Variants in GPHN observed in about 807,000 individuals in gnomAD.
The protein encoded by GPHN is gephyrin.
Under a neutral mutation model 95.5 loss-of-function variants are expected in GPHN, and 17 were observed. The observed-to-expected ratio is 0.18, with a 90% CI of 0.12 to 0.27. The LOEUF is 0.27. Ranked by LOEUF, GPHN falls within the 10% of genes least tolerant of loss-of-function variation. The pLI is 1.00. For synonymous variants in GPHN, 320 were observed against 322.5 expected, an observed-to-expected ratio of 0.99 and a Z score of 0.08; for missense variants, 660 against 978.1, an observed-to-expected ratio of 0.67 and a Z score of 4.34.
intron 1 of GPHN, among the ~76,000 whole-genome samples, chr14:66,582,061 A>T (rs889592691): frequency 1.2e-4 from 19 of 152,098 alleles, no homozygotes; most frequent in Non-Finnish European, 1.8e-4. Context: ...TCAGCCTTCT[A>T]TCCAACAGTA....
chr14:67,330,325 ACT>A, the GPHN span, among the ~76,000 whole-genome samples: 1 of 151,494 alleles, frequency 6.6e-6, no homozygotes, highest in Non-Finnish European at 1.5e-5. Flanking sequence ...TAATTTTTAA[ACT>A]CTTCTTTTCA....
chr14:67,255,644 T>G, the GPHN span, among the ~76,000 whole-genome samples: 1 of 152,194 alleles, frequency 6.6e-6, no homozygotes, highest in Non-Finnish European at 1.5e-5. Context: ...TTTCTTAATT[T>G]AAAGGTTCCA....
At chr14:67,221,779 G>C in the GPHN span, 1 of 1,613,244 alleles carries the variant, frequency 6.2e-7, no homozygotes, top group Non-Finnish European at 8.5e-7. Flanking sequence ...ATTTTTACAG[G>C]AGCTTGAGAA....
chr14:66,719,790 A>G (rs1421434216), intron 2 of GPHN, among the ~76,000 whole-genome samples: 3 of 152,348 alleles, frequency 2.0e-5, no homozygotes. Context: ...AACATCATAG[A>G]TAACCTGATA....
the GPHN span, among the ~76,000 whole-genome samples, chr14:67,621,992 G>C: frequency 1.3e-4 from 20 of 152,074 alleles, no homozygotes; most frequent in African/African-American, 4.6e-4. Flanking sequence ...AGCTACTCAG[G>C]AGCCTGAGAC....
chr14:67,630,705 A>G, the GPHN span, among the ~76,000 whole-genome samples: 3 of 152,198 alleles, frequency 2.0e-5, no homozygotes, highest in South Asian at 4.2e-4. Context: ...CAGCCTCCAT[A>G]GTAGCTGGGA....
At chr14:67,380,073 T>G in the GPHN span, among the ~76,000 whole-genome samples, 58 of 152,144 alleles carry the variant, frequency 3.8e-4, no homozygotes, top group African/African-American at 1.3e-3. Flanking sequence ...TATCATAACT[T>G]TTTTACAATA....
chr14:66,656,285 T>C (rs2065300616), intron 1 of GPHN, among the ~76,000 whole-genome samples: 1 of 135,250 alleles, frequency 7.4e-6, no homozygotes, highest in Non-Finnish European at 1.6e-5. Flanking sequence ...TGTAGGTCTA[T>C]TCAAATTACT....
rs191195144 is a variant in GPHN at position 67,008,828 on chromosome 14, T to C, written c.964-14805T>C. ...TCCCAAAGTGCTGGGATTACAGGTGTTAGCTACTGTACCCAGCCCTTTTTA... is the reference window on the plus strand; with the variant it reads ...TCCCAAAGTGCTGGGATTACAGGTGCTAGCTACTGTACCCAGCCCTTTTTA... On this transcript the variant is annotated intron_variant, in intron 9 of 22. Coordinates refer to ENST00000478722, the MANE Select transcript of GPHN (RefSeq NM_020806.5). 4.7e-4 allele frequency among the ~76,000 whole-genome samples: 72 copies of C among 152,314 alleles called. 1 individual carries two copies. In the Middle Eastern group the frequency reaches 0.02, roughly 43 times the overall value.
At chr14:67,581,120 C>A in the GPHN span, 1 of 862,676 alleles carries the variant, frequency 1.2e-6, no homozygotes. Flanking sequence ...ACTAGACAGC[C>A]TATCCAGACG....
the GPHN span, among the ~76,000 whole-genome samples, chr14:67,329,407 A>G: frequency 6.6e-6 from 1 of 152,190 alleles, no homozygotes; most frequent in Non-Finnish European, 1.5e-5. Context: ...TACATGTACA[A>G]TCATGTCATC....
At chr14:67,329,835 AAAAT>A in the GPHN span, among the ~76,000 whole-genome samples, 19,112 of 96,782 alleles carry the variant, frequency 0.2, 1,403 homozygotes, top group African/African-American at 0.28. Context: ...CTTGGTCTCA[AAAAT>A]AAATAAATAA....
At chr14:66,714,586 C>T (rs1387331643) in intron 2 of GPHN, among the ~76,000 whole-genome samples, 2 of 152,102 alleles carry the variant, frequency 1.3e-5, no homozygotes, top group African/African-American at 4.8e-5. Flanking sequence ...CAACTTTTCC[C>T]CATTCAGTGT....
chr14:66,903,557 G>C (rs1422874882), intron 5 of GPHN, among the ~76,000 whole-genome samples: 5 of 152,136 alleles, frequency 3.3e-5, no homozygotes. Context: ...TGGATTTCCT[G>C]TAGGTAACAC....
chr14:67,222,518 T>C, the GPHN span, among the ~76,000 whole-genome samples: 5 of 152,280 alleles, frequency 3.3e-5, no homozygotes, highest in East Asian at 9.7e-4. Flanking sequence ...TCCAGTGATC[T>C]GCCCACCTGG....
At chr14:67,670,202 T>C in the GPHN span, among the ~76,000 whole-genome samples, 1 of 152,226 alleles carries the variant, frequency 6.6e-6, no homozygotes, top group Non-Finnish European at 1.5e-5. Flanking sequence ...TAGCCATTAA[T>C]GCCCTCCTTC....
At chr14:67,176,789 C>A (rs2082986862) in intron 21 of GPHN, among the ~76,000 whole-genome samples, 1 of 152,144 alleles carries the variant, frequency 6.6e-6, no homozygotes, top group Admixed American at 6.5e-5. Context: ...TCGACTTCTT[C>A]CTGGTTTAGT....
At chr14:66,651,075 G>T (rs1370809958) in intron 1 of GPHN, among the ~76,000 whole-genome samples, 1 of 152,166 alleles carries the variant, frequency 6.6e-6, no homozygotes. Context: ...CTAATACACA[G>T]GAGTGAGATG....
chr14:66,746,625 G>A (rs1330236965), intron 2 of GPHN, among the ~76,000 whole-genome samples: 2 of 150,152 alleles, frequency 1.3e-5, no homozygotes, highest in African/African-American at 5.1e-5. Flanking sequence ...TTGCTTTCCT[G>A]GTCTCCCTTC....
Sources: gnomAD v4.1 joint callset for allele counts (sites outside exome capture counted in the v4.1 genomes callset) on GRCh38, gnomAD v4.1.1 for gene constraint, MANE v1.5 for transcripts, NCBI Gene and HGNC (gene_info 2026-07-23, HGNC 2026-07-21) for gene names.